The following FCHSD2 variants were observed in gnomAD, a reference collection of about 807,000 sequenced individuals.
FCHSD2 encodes F-BAR and double SH3 domains protein 2.
FCHSD2 carries 38 observed loss-of-function variants against 108.1 expected under a neutral mutation model. That is an observed-to-expected ratio of 0.35 (90% CI 0.27 to 0.46). The LOEUF is 0.46. FCHSD2 is among the 20% of genes least tolerant of loss of function. The probability of loss-of-function intolerance (pLI) is 1.00; values close to 1 mark genes in which losing one functional copy is unlikely to be tolerated. For missense variants in FCHSD2, 751 were observed against 897.8 expected, an observed-to-expected ratio of 0.84 and a Z score of 2.09; for synonymous variants, 279 against 314.7, an observed-to-expected ratio of 0.89 and a Z score of 1.20.
At chr11:72,935,975 T>A (rs1490645025) in intron 8 of FCHSD2, among the ~76,000 whole-genome samples, 1 of 152,254 alleles carries the variant, frequency 6.6e-6, no homozygotes, top group East Asian at 1.9e-4. Context: ...CACCCAGTTG[T>A]GAGTGGGCTA....
rs139731234 is a variant in FCHSD2 at position 72,952,208 on chromosome 11, C to T, written c.706-30258G>A. Among the ~76,000 whole-genome samples, 79 of 152,100 alleles carry T rather than the reference C, an allele frequency of 5.2e-4. 1 individual carries two copies. The highest frequency in any genetic ancestry group is 5.9e-5 in the Non-Finnish European group (4 of 67,998). The stretch of plus-strand genomic sequence containing the variant: ...CAACTCTCTCTTCTCTATCTTAATA[C>T]CAGAAAGATATATATGGCCTATGAA... On this transcript the variant is annotated intron_variant, in intron 8 of 19. Coordinates refer to ENST00000409418, the MANE Select transcript of FCHSD2 (RefSeq NM_014824.3).
chr11:72,964,694 A>G (rs573690027), intron 8 of FCHSD2, among the ~76,000 whole-genome samples: 3 of 152,070 alleles, frequency 2.0e-5, no homozygotes, highest in African/African-American at 7.2e-5. Flanking sequence ...CCAGGTCTTT[A>G]TGGTAATAGC....
chr11:73,087,187 T>C (rs1217401925), intron 2 of FCHSD2, among the ~76,000 whole-genome samples: 1 of 152,134 alleles, frequency 6.6e-6, no homozygotes, highest in Non-Finnish European at 1.5e-5. Context: ...TGTATGTGTG[T>C]CTTTGTTTTT....
intron 2 of FCHSD2, among the ~76,000 whole-genome samples, chr11:73,128,396 T>G (rs1454130947): frequency 6.6e-6 from 1 of 152,158 alleles, no homozygotes; most frequent in African/African-American, 2.4e-5. Flanking sequence ...CACTACCTTT[T>G]TTGTTTGTTG....
intron 19 of FCHSD2, 74 bp from the exon 20 acceptor site, chr11:72,838,948 C>T (rs1860819132): frequency 4.4e-6 from 6 of 1,376,248 alleles, no homozygotes; most frequent in African/African-American, 2.9e-5. Flanking sequence ...AAAACCTAAT[C>T]ACTCATCTGT....
chr11:73,044,661 T>C (rs1858714364), intron 3 of FCHSD2, among the ~76,000 whole-genome samples: 3 of 152,194 alleles, frequency 2.0e-5, no homozygotes, highest in African/African-American at 2.4e-5. Context: ...TAAGCATACA[T>C]GTGCTAGATA....
At chr11:73,042,220 C>A (rs551335665) in intron 3 of FCHSD2, among the ~76,000 whole-genome samples, 5 of 152,268 alleles carry the variant, frequency 3.3e-5, no homozygotes, top group Non-Finnish European at 7.4e-5. Flanking sequence ...CCACTGCACC[C>A]GGCTGAGATT....
chr11:73,080,948 C>CA (rs1293538399), intron 3 of FCHSD2, among the ~76,000 whole-genome samples: 1 of 147,906 alleles, frequency 6.8e-6, no homozygotes, highest in Non-Finnish European at 1.5e-5. Context: ...GACTCTGTCT[C>CA]AAAAAAACAA....
At chr11:73,040,080 A>G (rs1479005036) in intron 3 of FCHSD2, among the ~76,000 whole-genome samples, 7 of 152,202 alleles carry the variant, frequency 4.6e-5, no homozygotes, top group Admixed American at 3.9e-4. Flanking sequence ...ATTTTAACCA[A>G]ATTATCCATT....
chr11:73,106,633 A>T (rs1378403847), intron 2 of FCHSD2, among the ~76,000 whole-genome samples: 1 of 151,596 alleles, frequency 6.6e-6, no homozygotes, highest in Non-Finnish European at 1.5e-5. Flanking sequence ...CAGTAACATA[A>T]CATTTCCATA....
At chr11:72,848,964 AG>A (rs1457581237) in intron 14 of FCHSD2, among the ~76,000 whole-genome samples, 4 of 152,234 alleles carry the variant, frequency 2.6e-5, no homozygotes, top group African/African-American at 7.2e-5. Context: ...TTCAATGAAC[AG>A]GAAGTATTAT....
intron 2 of FCHSD2, among the ~76,000 whole-genome samples, chr11:73,086,393 G>GT (rs1426056812): frequency 6.6e-6 from 1 of 152,194 alleles, no homozygotes; most frequent in East Asian, 1.9e-4. Context: ...GGGAAAGAGA[G>GT]TGAGACTCCA....
chr11:72,937,141 G>C (rs1470566003), intron 8 of FCHSD2, among the ~76,000 whole-genome samples: 1 of 152,210 alleles, frequency 6.6e-6, no homozygotes, highest in Non-Finnish European at 1.5e-5. Flanking sequence ...GCTGGAGGAA[G>C]ACAGAGCTAG....
At chr11:72,950,455 T>C (rs546766351) in intron 8 of FCHSD2, among the ~76,000 whole-genome samples, 6 of 152,186 alleles carry the variant, frequency 3.9e-5, no homozygotes, top group Non-Finnish European at 8.8e-5. Flanking sequence ...AAGAGTTTTA[T>C]ATAGTTTTAG....
intron 4 of FCHSD2, among the ~76,000 whole-genome samples, chr11:73,011,267 C>A (rs1273733083): frequency 6.6e-6 from 1 of 152,128 alleles, no homozygotes; most frequent in African/African-American, 2.4e-5. Context: ...AGGCCACTGG[C>A]AGAATGCTCA....
At chr11:72,894,479 T>C (rs1435984301) in intron 10 of FCHSD2, among the ~76,000 whole-genome samples, 9 of 152,214 alleles carry the variant, frequency 5.9e-5, no homozygotes, top group Admixed American at 5.9e-4. Context: ...GCTATGATTG[T>C]GCCCTCCAGC....
At chr11:73,095,116 G>A (rs1860045153) in intron 2 of FCHSD2, among the ~76,000 whole-genome samples, 1 of 152,168 alleles carries the variant, frequency 6.6e-6, no homozygotes, top group Non-Finnish European at 1.5e-5. Flanking sequence ...TATAGTCATA[G>A]AATGAAAATT....
At chr11:72,995,092 T>A (rs564498808) in intron 5 of FCHSD2, among the ~76,000 whole-genome samples, 1 of 152,330 alleles carries the variant, frequency 6.6e-6, no homozygotes, top group South Asian at 2.1e-4. Flanking sequence ...TGGCCTTATG[T>A]TTCTCACTTC....
intron 3 of FCHSD2, among the ~76,000 whole-genome samples, chr11:73,032,003 T>A (rs374025849): frequency 6.6e-6 from 1 of 152,184 alleles, no homozygotes; most frequent in Non-Finnish European, 1.5e-5. Context: ...ATTAACTAAA[T>A]TATGGTCATC....
Sources: allele counts gnomAD v4.1 joint callset (sites outside exome capture counted in the v4.1 genomes callset), GRCh38; gene constraint gnomAD v4.1.1; transcripts MANE v1.5; gene names NCBI Gene and HGNC (gene_info 2026-07-23, HGNC 2026-07-21).